CRLF2: variants seen among roughly 807,000 people sequenced by gnomAD.
CRLF2 encodes the protein cytokine receptor like factor 2, also known as cytokine receptor-like factor 2.
CRLF2 carries 41 observed loss-of-function variants against 38.7 expected under a neutral mutation model. That is an observed-to-expected ratio of 1.06 (90% confidence interval 0.83 to 1.37). The LOEUF (loss-of-function observed/expected upper bound fraction) is 1.37. CRLF2 is among the 40% of genes most tolerant of loss of function. The pLI is 0.00. For missense variants in CRLF2, 377 were observed against 322.2 expected, an observed-to-expected ratio of 1.17 and a Z score of -1.30; for synonymous variants, 140 against 128.8, an observed-to-expected ratio of 1.09 and a Z score of -0.59.
intron 6 of CRLF2, among the ~76,000 whole-genome samples, chrX:1,193,790 A>T (rs2086434796): frequency 1.4e-5 from 2 of 146,698 alleles, no homozygotes; most frequent in Non-Finnish European, 3.0e-5. Context: ...TCAAAAAAAA[A>T]AAAAAAAAAA....
intron 6 of CRLF2, 102 bp from the exon 7 acceptor site, chrX:1,193,404 T>C (rs2086427349): frequency 2.5e-6 from 1 of 397,096 alleles, no homozygotes; most frequent in Non-Finnish European, 4.4e-6. Context: ...AGACCAAGAA[T>C]GGCAGAGCGG....
chrX:1,195,556 C>T (rs2086459318), intron 6 of CRLF2, among the ~76,000 whole-genome samples: 2 of 148,276 alleles, frequency 1.3e-5, no homozygotes, highest in African/African-American at 2.4e-5. Flanking sequence ...TACAAGTGCA[C>T]GCTACTACGC....
intron 2 of CRLF2, among the ~76,000 whole-genome samples, chrX:1,208,535 G>A (rs1431141875): frequency 2.0e-5 from 3 of 152,088 alleles, no homozygotes; most frequent in African/African-American, 4.8e-5. Context: ...CTCCAGCGTG[G>A]CAACGGAGTG....
rs2086374038 is a variant in CRLF2 at position 1,191,337 on chromosome X, C to CTTTCTTTCTTTCTTTCTTTCT, written c.853-178_853-177insAGAAAGAAAGAAAGAAAGAAA. ...TCTTTCTTTCTTTCTTTCTTTCTTT[C>CTTTCTTTCTTTCTTTCTTTCT]TTTCTTTCCTTCTTTCTTTCTTTCC... On this transcript the variant is annotated intron_variant, in intron 7 of 7. Coordinates refer to ENST00000400841, the MANE Select transcript of CRLF2 (RefSeq NM_022148.4). Among the ~76,000 whole-genome samples, 32 of 115,830 alleles carry CTTTCTTTCTTTCTTTCTTTCT rather than the reference C, an allele frequency of 2.8e-4. No homozygotes were observed. The South Asian group carries it at 0.01, about 37-fold the overall frequency. 76.0% of individuals were successfully genotyped at this position (115,830 alleles called of 152,430 possible).
chrX:1,194,374 A>G (rs1409284387), intron 6 of CRLF2, among the ~76,000 whole-genome samples: 3 of 152,056 alleles, frequency 2.0e-5, no homozygotes, highest in African/African-American at 7.2e-5. Flanking sequence ...AGGCAGGAGA[A>G]TCGCTTGAGC....
At position 1,190,549 on chromosome X, in the gene CRLF2, G is replaced by A. The variant is rs1389846662; in HGVS notation, c.*348C>T. The A allele has an allele frequency of 1.0e-4, 30 of 299,458 alleles. No homozygotes were observed. Among genetic ancestry groups the A allele is most frequent in the African/African-American group, 2.1e-4 (10 of 47,282 alleles). The allele number at this position is 299,458 out of a possible 1,614,324, so 18.6% of individuals were successfully genotyped here. A position where few individuals can be genotyped will look rare whatever the true frequency, so the allele number is the denominator to read the frequency against. ...AATGCTATGGGAATGGTACATGGAC[G>A]GAACTGGGGACTCACAGAGTGGGAA... is the stretch of plus-strand genomic sequence containing the variant. On this transcript the variant is annotated 3_prime_UTR_variant, in exon 8 of 8. Coordinates refer to ENST00000400841, the MANE Select transcript of CRLF2 (RefSeq NM_022148.4).
At chrX:1,194,441 G>A (rs1161541942) in intron 6 of CRLF2, among the ~76,000 whole-genome samples, 4 of 152,020 alleles carry the variant, frequency 2.6e-5, no homozygotes, top group African/African-American at 4.8e-5. Context: ...CAGCCTGGGT[G>A]ACAGAGTGAG....
In CRLF2 at chrX:1,198,736, TACACACACAC is replaced by T. The variant is rs371174830; in HGVS notation, c.484-22_484-13del. ...TTTTCCTGTTTGGACTGGAGAAACATACACACACACACACACACACACACACACACACACA... is the reference window on the plus strand; with the variant it reads ...TTTTCCTGTTTGGACTGGAGAAACATACACACACACACACACACACACACA... On this transcript the variant is annotated splice_polypyrimidine_tract_variant and intron_variant, in intron 4 of 7. Coordinates refer to ENST00000400841, the MANE Select transcript of CRLF2 (RefSeq NM_022148.4). The T allele has an allele frequency of 3.6e-3, 2,984 of 827,472 alleles. 19 individuals carry two copies. Among genetic ancestry groups the T allele is most frequent in the Non-Finnish European group, 3.8e-3 (2,053 of 534,194 alleles). The allele number at this position is 827,472 out of a possible 1,614,324, so 51.3% of individuals were successfully genotyped here.
At chrX:1,201,615 TAGAC>T (rs1192096403) in intron 4 of CRLF2, among the ~76,000 whole-genome samples, 2 of 148,478 alleles carry the variant, frequency 1.3e-5, no homozygotes, top group South Asian at 2.1e-4. Flanking sequence ...AGATGATACA[TAGAC>T]AGATGATAGA....
intron 6 of CRLF2, among the ~76,000 whole-genome samples, chrX:1,196,249 G>T (rs75602255): frequency 0.017 from 2,458 of 145,712 alleles, 37 homozygotes; most frequent in Non-Finnish European, 0.021. Context: ...GTGCAGTGGC[G>T]CAATCTCCGC....
At chrX:1,200,391 A>ATG (rs1382693724) in intron 4 of CRLF2, among the ~76,000 whole-genome samples, 1 of 115,674 alleles carries the variant, frequency 8.6e-6, no homozygotes, top group South Asian at 3.5e-4. Context: ...GTATGTATAT[A>ATG]TGTGTGTGTA....
At chrX:1,198,055 G>C (rs1380258364) in intron 5 of CRLF2, among the ~76,000 whole-genome samples, 4 of 152,086 alleles carry the variant, frequency 2.6e-5, no homozygotes, top group African/African-American at 9.7e-5. Flanking sequence ...AATGAAACAA[G>C]GAGAGGAATT....
Position 1,191,023 on chromosome X carries a change from C to T in CRLF2, c.990G>A (p.Gln330=). 2.5e-6 allele frequency: 1 copy of T among 398,702 alleles called. No homozygotes were observed. The highest frequency in any genetic ancestry group is 4.4e-6 in the Non-Finnish European group (1 of 226,130). The allele number at this position is 398,702 out of a possible 1,614,324, so 24.7% of individuals were successfully genotyped here. A position where few individuals can be genotyped will look rare whatever the true frequency, so the allele number is the denominator to read the frequency against. Residue 330 remains glutamine (Q), a synonymous_variant, in exon 8 of 8, where the codon CAG becomes CAA. Coordinates refer to ENST00000400841, the MANE Select transcript of CRLF2 (RefSeq NM_022148.4). ...EAESPRMLDP[Q]TEEKEASGGS... ...CCCCAGAGGCCTCTTTCTCCTCGGTCTGTGGGTCCAGCATCCTGGGAGACT... is the reference window on the plus strand; with the variant it reads ...CCCCAGAGGCCTCTTTCTCCTCGGTTTGTGGGTCCAGCATCCTGGGAGACT...
intron 1 of CRLF2, among the ~76,000 whole-genome samples, chrX:1,210,969 A>T (rs1324293044): frequency 1.3e-5 from 2 of 151,348 alleles, no homozygotes; most frequent in African/African-American, 2.4e-5. Context: ...GGATACATAG[A>T]TGTGTACATG....
At chrX:1,207,646 G>C (rs765589495) in intron 2 of CRLF2, among the ~76,000 whole-genome samples, 38 of 145,776 alleles carry the variant, frequency 2.6e-4, no homozygotes, top group African/African-American at 9.4e-4. Context: ...TTTTCTTTTT[G>C]TGAGGTTTTT....
At chrX:1,206,392 A>C (rs1184266862) in intron 3 of CRLF2, 41 bp downstream of exon 3, 1 of 1,572,440 alleles carries the variant, frequency 6.4e-7, no homozygotes, top group Non-Finnish European at 8.8e-7. Context: ...AAGCTGAAGG[A>C]AGTACTGAAA....
intron 3 of CRLF2, 84 bp from the exon 4 acceptor site, chrX:1,202,619 G>T: frequency 8.0e-6 from 12 of 1,504,968 alleles, no homozygotes; most frequent in Non-Finnish European, 1.1e-5. Flanking sequence ...TCTCTAGCCT[G>T]TACCCCTCCT....
chrX:1,199,143 TG>T (rs2086557125), intron 4 of CRLF2: 1 of 233,858 alleles, frequency 4.3e-6, no homozygotes, highest in Non-Finnish European at 8.7e-6. Context: ...AGCGGGACTG[TG>T]TCTAAAAAAA....
At chrX:1,194,141 T>G (rs1346748347) in intron 6 of CRLF2, among the ~76,000 whole-genome samples, 4 of 150,284 alleles carry the variant, frequency 2.7e-5, no homozygotes, top group Non-Finnish European at 5.9e-5. Flanking sequence ...AATACAAAAA[T>G]TAGCTGGGTG....
Sources: gnomAD v4.1 joint callset for allele counts (sites outside exome capture counted in the v4.1 genomes callset) on GRCh38, gnomAD v4.1.1 for gene constraint, MANE v1.5 for transcripts, NCBI Gene and HGNC (gene_info 2026-07-23, HGNC 2026-07-21) for gene names.